CCSER1: variants seen among roughly 807,000 people sequenced by gnomAD.
CCSER1 encodes the protein coiled-coil serine rich protein 1, also known as serine-rich coiled-coil domain-containing protein 1.
Under a neutral mutation model 82.0 loss-of-function variants are expected in CCSER1, and 41 were observed. The ratio of observed to expected loss-of-function variants is 0.50; its 90% CI spans 0.39 to 0.65. The LOEUF (loss-of-function observed/expected upper bound fraction) is 0.65, where lower values mean the gene tolerates loss of function less well. Ranked by LOEUF, CCSER1 falls within the 30% of genes least tolerant of loss-of-function variation. CCSER1 has a pLI of 0.00. For synonymous variants in CCSER1, 414 were observed against 383.9 expected, an observed-to-expected ratio of 1.08 and a Z score of -0.92; for missense variants, 1,119 against 1,064.2, an observed-to-expected ratio of 1.05 and a Z score of -0.72.
At chr4:90,618,375 C>T (rs1721689175) in intron 5 of CCSER1, among the ~76,000 whole-genome samples, 1 of 151,908 alleles carries the variant, frequency 6.6e-6, no homozygotes, top group South Asian at 2.1e-4. Context: ...TAGATTGCCA[C>T]ATCTTGAATA....
At chr4:91,474,826 C>T (rs1460106487) in intron 10 of CCSER1, among the ~76,000 whole-genome samples, 24 of 147,690 alleles carry the variant, frequency 1.6e-4, no homozygotes, top group African/African-American at 5.2e-4. Context: ...CACACACACA[C>T]ACACACACAC....
At chr4:91,020,042 C>T (rs1023128335) in intron 9 of CCSER1, among the ~76,000 whole-genome samples, 4 of 151,744 alleles carry the variant, frequency 2.6e-5, no homozygotes, top group Admixed American at 2.0e-4. Context: ...TCAGAGCTCC[C>T]ATTTATTGAG....
At chr4:90,391,489 C>CACAT (rs1554021272) in intron 3 of CCSER1, among the ~76,000 whole-genome samples, 3 of 81,230 alleles carry the variant, frequency 3.7e-5, no homozygotes, top group African/African-American at 2.3e-4. Context: ...TATATATACA[C>CACAT]ACACACAGTG....
intron 10 of CCSER1, among the ~76,000 whole-genome samples, chr4:91,231,708 A>T (rs893726732): frequency 6.6e-6 from 1 of 151,842 alleles, no homozygotes; most frequent in Non-Finnish European, 1.5e-5. Context: ...AAAGTTACGT[A>T]TATTTATGAA....
At chr4:91,077,760 T>C (rs781690619) in intron 9 of CCSER1, among the ~76,000 whole-genome samples, 26 of 152,192 alleles carry the variant, frequency 1.7e-4, no homozygotes, top group Non-Finnish European at 3.2e-4. Flanking sequence ...ACTGCACTTT[T>C]CCAATGGTCT....
intron 10 of CCSER1, among the ~76,000 whole-genome samples, chr4:91,249,126 T>G (rs1740052861): frequency 6.6e-6 from 1 of 152,140 alleles, no homozygotes; most frequent in Non-Finnish European, 1.5e-5. Context: ...TTTCTGTGAA[T>G]CAGAAACTAT....
chr4:90,459,481 A>G (rs1302812434), intron 4 of CCSER1, among the ~76,000 whole-genome samples: 1 of 152,204 alleles, frequency 6.6e-6, no homozygotes, highest in Non-Finnish European at 1.5e-5. Context: ...AACAACAAAC[A>G]TTTATTATCT....
chr4:91,493,317 A>T (rs1276121546), intron 10 of CCSER1, among the ~76,000 whole-genome samples: 1 of 151,906 alleles, frequency 6.6e-6, no homozygotes, highest in Non-Finnish European at 1.5e-5. Context: ...AAAGAATACA[A>T]GGGTAGATAA....
chr4:91,418,251 T>C (rs1264038816), intron 10 of CCSER1, among the ~76,000 whole-genome samples: 1 of 123,266 alleles, frequency 8.1e-6, no homozygotes, highest in Non-Finnish European at 1.7e-5. Flanking sequence ...ATAAATGAAA[T>C]AGAGACTAGA....
At chr4:90,393,966 A>G (rs1398094694) in intron 3 of CCSER1, among the ~76,000 whole-genome samples, 1 of 150,720 alleles carries the variant, frequency 6.6e-6, no homozygotes, top group Non-Finnish European at 1.5e-5. Flanking sequence ...AATTGCAGAG[A>G]GGGGGGTCTC....
At chr4:91,001,173 G>GT (rs1417499479) in intron 9 of CCSER1, among the ~76,000 whole-genome samples, 1 of 152,026 alleles carries the variant, frequency 6.6e-6, no homozygotes. Flanking sequence ...TGATCATATG[G>GT]TTTTTGTTTT....
At chr4:91,469,272 T>C (rs1292742998) in intron 10 of CCSER1, among the ~76,000 whole-genome samples, 1 of 152,188 alleles carries the variant, frequency 6.6e-6, no homozygotes, top group Non-Finnish European at 1.5e-5. Context: ...TGGCCTGCTA[T>C]GATATAAGAT....
At chr4:90,605,648 C>G (rs1367371213) in intron 5 of CCSER1, among the ~76,000 whole-genome samples, 1 of 152,122 alleles carries the variant, frequency 6.6e-6, no homozygotes, top group Non-Finnish European at 1.5e-5. Flanking sequence ...GACAGGAAAT[C>G]AGAAACAGCT....
intron 10 of CCSER1, among the ~76,000 whole-genome samples, chr4:91,227,451 T>C (rs999122504): frequency 4.0e-5 from 6 of 151,800 alleles, no homozygotes; most frequent in African/African-American, 1.2e-4. Context: ...TGTGTGTTTG[T>C]GTGTGTGTAT....
At chr4:91,181,879 T>C (rs1209880376) in intron 10 of CCSER1, among the ~76,000 whole-genome samples, 1 of 152,200 alleles carries the variant, frequency 6.6e-6, no homozygotes, top group Non-Finnish European at 1.5e-5. Context: ...TGTAACTGTG[T>C]CATAGAGTGA....
intron 10 of CCSER1, among the ~76,000 whole-genome samples, chr4:91,162,504 G>A (rs1291315021): frequency 6.6e-6 from 1 of 152,134 alleles, no homozygotes; most frequent in East Asian, 1.9e-4. Context: ...CAGAAGGAAT[G>A]GTACCAGCTC....
intron 3 of CCSER1, among the ~76,000 whole-genome samples, chr4:90,343,248 A>G (rs1402417804): frequency 6.6e-6 from 1 of 152,184 alleles, no homozygotes; most frequent in East Asian, 1.9e-4. Context: ...TTATTTATAC[A>G]GCTTCTTAAT....
Position 90,457,879 on chromosome 4 carries a change from C to T in CCSER1, c.1604-10355C>T, listed in dbSNP as rs146014595. Reference sequence around the variant, plus strand: ...TTTCTGCCATCATCAACCTGCCATCCACAGCCTGCAGACCCATGCCAACCT... The same window carrying T: ...TTTCTGCCATCATCAACCTGCCATCTACAGCCTGCAGACCCATGCCAACCT... On this transcript the variant is annotated intron_variant, in intron 4 of 10. Coordinates refer to ENST00000509176, the MANE Select transcript of CCSER1 (RefSeq NM_001145065.2). Among the ~76,000 whole-genome samples, 29 of 152,228 alleles carry T rather than the reference C, an allele frequency of 1.9e-4. No individual in the cohort carries two copies. In the East Asian group the frequency reaches 3.5e-3, roughly 18 times the overall value.
Position 91,598,974 on chromosome 4 carries a change from C to T in CCSER1, c.2620C>T (p.His874Tyr). The T allele has an allele frequency of 3.9e-6, 6 of 1,551,534 alleles. No individual in the cohort carries two copies. The highest frequency in any genetic ancestry group is 4.4e-6 in the Non-Finnish European group (5 of 1,146,898). ...GQPPRGPISLHMYSRKNVFLH... is the reference protein window; with the variant it reads ...GQPPRGPISLYMYSRKNVFLH... ...GCCACCCAGAGGGCCAATCTCTTTA[C>T]ACATGTACAGCAGGAAGAATGTGTT... is the stretch of plus-strand genomic sequence containing the variant. The change falls in exon 11 of 11, where the codon CAC becomes TAC. Residue 874 changes from histidine (H) to tyrosine (Y), a missense_variant. His to Tyr is a moderately conservative substitution (Grantham distance 83, BLOSUM62 2). Transcript: ENST00000509176.
Sources: gnomAD v4.1 joint callset for allele counts (sites outside exome capture counted in the v4.1 genomes callset) on GRCh38, gnomAD v4.1.1 for gene constraint, MANE v1.5 for transcripts, NCBI Gene and HGNC (gene_info 2026-07-23, HGNC 2026-07-21) for gene names.